KIAA1217: variants seen among roughly 807,000 people sequenced by gnomAD.
KIAA1217 encodes the protein sickle tail protein homolog.
Under a neutral mutation model 163.9 loss-of-function variants are expected in KIAA1217, and 88 were observed. That is an observed-to-expected ratio of 0.54 (90% CI 0.45 to 0.64). KIAA1217 has a LOEUF of 0.64. Ranked by LOEUF, KIAA1217 falls within the 30% of genes least tolerant of loss-of-function variation. The pLI, the probability that KIAA1217 is intolerant of heterozygous loss-of-function variation, is 0.00. For synonymous variants in KIAA1217, 903 were observed against 923.1 expected (o/e 0.98, Z 0.39); for missense variants, 2,372 against 2,475.0 (o/e 0.96, Z 0.88).
chr10:23,904,934 C>T (rs1021644236), intron 1 of KIAA1217, among the ~76,000 whole-genome samples: 1 of 151,734 alleles, frequency 6.6e-6, no homozygotes, highest in Admixed American at 6.6e-5. Context: ...CACTTGGACA[C>T]CAGTCCTCTA....
At chr10:23,828,546 C>T (rs1003672556) in intron 1 of KIAA1217, among the ~76,000 whole-genome samples, 3 of 152,170 alleles carry the variant, frequency 2.0e-5, no homozygotes. Context: ...GTTCTAACCA[C>T]TTATAACTTT....
rs142866956 is a variant in KIAA1217, at chr10:24,037,304, A to T, written c.-171+29930A>T. 4.6e-5 allele frequency among the ~76,000 whole-genome samples: 7 copies of T among 152,182 alleles called. No individual in the cohort carries two copies. In the East Asian group the frequency reaches 1.4e-3, roughly 29 times the overall value. ...AACTTGGTGAAACCCTGTCTCTACT[A>T]AAAAAATAAAAAATAAAAAGAATAA... On this transcript the variant is annotated intron_variant, in intron 2 of 18. Coordinates refer to the KIAA1217 transcript ENST00000376462.
chr10:24,170,563 A>G (rs975608422), intron 2 of KIAA1217, among the ~76,000 whole-genome samples: 11 of 152,180 alleles, frequency 7.2e-5, no homozygotes, highest in African/African-American at 2.7e-4. Flanking sequence ...TGCACAGTAA[A>G]TAAGTCCAAA....
intron 1 of KIAA1217, among the ~76,000 whole-genome samples, chr10:23,909,053 C>A (rs1422363971): frequency 6.6e-6 from 1 of 152,122 alleles, no homozygotes; most frequent in Non-Finnish European, 1.5e-5. Context: ...GCATTCACAG[C>A]AACCTGGCTG....
At chr10:23,895,652 A>G (rs977725805) in intron 1 of KIAA1217, among the ~76,000 whole-genome samples, 12 of 152,148 alleles carry the variant, frequency 7.9e-5, no homozygotes, top group Non-Finnish European at 1.8e-4. Flanking sequence ...GTATATACCC[A>G]AAGGACTGTA....
At position 24,543,128 on chromosome 10, in the gene KIAA1217, C is replaced by T; in HGVS notation, c.3858C>T (p.Ile1286=). ...LEDEINKGSK[I]SGLQYSIPDT... is the part of the protein sequence containing the mutation. The stretch of plus-strand genomic sequence containing the variant: ...ATGAAATAAACAAAGGGTCTAAAAT[C>T]TCAGGCCTGCAATACTCTATACCTG... The change falls in exon 19 of 21, where the codon ATC becomes ATT. Residue 1286 remains isoleucine, a synonymous_variant. Coordinates refer to ENST00000376454, the MANE Select transcript of KIAA1217 (RefSeq NM_019590.5). 1 of 1,613,464 alleles carries T rather than the reference C, an allele frequency of 6.2e-7. No individual in the cohort carries two copies. The highest frequency in any genetic ancestry group is 8.5e-7 in the Non-Finnish European group (1 of 1,180,000).
chr10:24,301,523 A>G (rs563334131), intron 2 of KIAA1217, among the ~76,000 whole-genome samples: 171 of 152,188 alleles, frequency 1.1e-3, no homozygotes, highest in African/African-American at 3.9e-3. Flanking sequence ...CGCACCTTCT[A>G]ACTTCCATTC....
chr10:23,910,480 T>C (rs1182455669), intron 1 of KIAA1217, among the ~76,000 whole-genome samples: 1 of 152,106 alleles, frequency 6.6e-6, no homozygotes, highest in Non-Finnish European at 1.5e-5. Context: ...CGGGTCCAGC[T>C]GCATCCCTGG....
intron 2 of KIAA1217, among the ~76,000 whole-genome samples, chr10:24,195,696 G>A (rs1310284535): frequency 3.3e-5 from 5 of 152,216 alleles, no homozygotes; most frequent in Non-Finnish European, 7.3e-5. Context: ...CGCCAGGAAA[G>A]GAAGTGGCTC....
At chr10:24,277,224 A>G (rs891279548) in intron 2 of KIAA1217, among the ~76,000 whole-genome samples, 7 of 152,238 alleles carry the variant, frequency 4.6e-5, no homozygotes, top group Admixed American at 1.3e-4. Context: ...GCAGCGCTCA[A>G]CCTGGATTCC....
intron 2 of KIAA1217, among the ~76,000 whole-genome samples, chr10:24,346,657 G>A (rs1313975509): frequency 4.2e-4 from 53 of 127,056 alleles, no homozygotes; most frequent in Middle Eastern, 5.6e-3. Flanking sequence ...TGCAACCTCC[G>A]CCTCCTGCAT....
chr10:24,345,667 T>C (rs575361916), intron 2 of KIAA1217, among the ~76,000 whole-genome samples: 188 of 152,348 alleles, frequency 1.2e-3, no homozygotes, highest in African/African-American at 4.4e-3. Flanking sequence ...ATTTGCCATT[T>C]GAACTTTCCT....
chr10:23,975,769 A>T (rs762349777), intron 1 of KIAA1217, among the ~76,000 whole-genome samples: 1 of 152,180 alleles, frequency 6.6e-6, no homozygotes, highest in Non-Finnish European at 1.5e-5. Context: ...TCCTGGAGTC[A>T]GGGATGTCTA....
intron 17 of KIAA1217, among the ~76,000 whole-genome samples, chr10:24,542,160 A>G (rs976743052): frequency 2.0e-5 from 3 of 152,228 alleles, no homozygotes; most frequent in Non-Finnish European, 4.4e-5. Flanking sequence ...CCATAACAGA[A>G]GCAGAGGGAG....
intron 2 of KIAA1217, among the ~76,000 whole-genome samples, chr10:24,040,206 A>C (rs1214959848): frequency 1.3e-5 from 2 of 152,156 alleles, no homozygotes; most frequent in African/African-American, 4.8e-5. Flanking sequence ...AAGCTATGTC[A>C]CTGTCAGTCA....
intron 2 of KIAA1217, among the ~76,000 whole-genome samples, chr10:24,193,952 C>T: frequency 6.7e-6 from 1 of 149,104 alleles, no homozygotes; most frequent in East Asian, 2.0e-4. Context: ...CTTTGGAAGT[C>T]TAGGTGGATG....
chr10:24,532,796 A>G (rs2073325477), intron 15 of KIAA1217, among the ~76,000 whole-genome samples: 1 of 152,174 alleles, frequency 6.6e-6, no homozygotes, highest in Non-Finnish European at 1.5e-5. Flanking sequence ...TCAAGATGAG[A>G]TTTGGGTGGG....
chr10:24,442,729 A>G (rs910635832), intron 5 of KIAA1217, among the ~76,000 whole-genome samples: 1 of 151,918 alleles, frequency 6.6e-6, no homozygotes, highest in African/African-American at 2.4e-5. Flanking sequence ...GGGATGTAAA[A>G]CATTGAGTTA....
intron 2 of KIAA1217, among the ~76,000 whole-genome samples, chr10:24,307,483 A>G (rs1284559158): frequency 6.6e-6 from 1 of 151,956 alleles, no homozygotes. Context: ...TCCCATCAAG[A>G]CTTAATGATT....
Sources: gnomAD v4.1 joint callset for allele counts (sites outside exome capture counted in the v4.1 genomes callset) on GRCh38, gnomAD v4.1.1 for gene constraint, MANE v1.5 for transcripts, NCBI Gene and HGNC (gene_info 2026-07-23, HGNC 2026-07-21) for gene names.